PATL1: variants seen among roughly 807,000 people sequenced by gnomAD.
The protein encoded by PATL1 is protein PAT1 homolog 1.
In PATL1, 32 loss-of-function variants were observed where a neutral mutation model predicts 100.6. The ratio of observed to expected loss-of-function variants is 0.32; its 90% CI spans 0.24 to 0.43. The LOEUF is 0.43. Among genes scored for constraint, PATL1 ranks in the 20% least tolerant of loss-of-function variants. The pLI is 1.00. For synonymous variants in PATL1, 332 were observed against 330.0 expected (o/e 1.01, Z -0.07); for missense variants, 747 against 949.9 (o/e 0.79, Z 2.81).
intron 2 of PATL1, among the ~76,000 whole-genome samples, chr11:59,660,984 G>A (rs1046306844): frequency 6.6e-6 from 1 of 152,146 alleles, no homozygotes; most frequent in African/African-American, 2.4e-5. Flanking sequence ...AGCTGCTCTG[G>A]AGCTAGACCT....
In PATL1 at chr11:59,641,475, G is replaced by A. The variant is rs531287332; in HGVS notation, c.2049+1405C>T. On this transcript the variant is annotated intron_variant, in intron 16 of 18. Coordinates refer to ENST00000300146, the MANE Select transcript of PATL1 (RefSeq NM_152716.3). ...TTCCACAAAATTTCCCTTCATGGCC[G>A]GTTGCAGTAGCTCACACCTGTAATC... 9.9e-5 allele frequency among the ~76,000 whole-genome samples: 15 copies of A among 152,136 alleles called. 1 individual carries two copies. The East Asian group carries it at 2.7e-3, about 28-fold the overall frequency.
At chr11:59,654,328 T>G in intron 8 of PATL1, among the ~76,000 whole-genome samples, 1 of 151,732 alleles carries the variant, frequency 6.6e-6, no homozygotes, top group East Asian at 1.9e-4. Flanking sequence ...AATACAAAAA[T>G]TAGCTGGGCA....
chr11:59,645,583 G>A (rs1045167168), intron 15 of PATL1, among the ~76,000 whole-genome samples: 5 of 151,904 alleles, frequency 3.3e-5, no homozygotes, highest in African/African-American at 2.4e-5. Flanking sequence ...TAATGGAAAG[G>A]TAGGATAAAT....
chr11:59,650,831 A>G lies in PATL1; in HGVS notation c.1525-18T>C, dbSNP rs1055097509. 34 of 1,510,112 alleles carry G rather than the reference A, an allele frequency of 2.3e-5. No homozygotes were observed. The highest frequency in any genetic ancestry group is 9.7e-5 in the African/African-American group (7 of 72,130). 93.5% of individuals were successfully genotyped at this position (1,510,112 alleles called of 1,614,324 possible). ...TTTGTCTCCTAAAAAAGAGAAGACTATTCAATGCAAATTCTTTATCTCTGT... is the reference window on the plus strand; with the variant it reads ...TTTGTCTCCTAAAAAAGAGAAGACTGTTCAATGCAAATTCTTTATCTCTGT... On this transcript the variant is annotated intron_variant, in intron 12 of 18. Transcript: ENST00000300146.
intron 11 of PATL1, among the ~76,000 whole-genome samples, chr11:59,651,937 C>T (rs1261045887): frequency 6.6e-6 from 1 of 151,556 alleles, no homozygotes; most frequent in Non-Finnish European, 1.5e-5. Flanking sequence ...TGGTGGCACA[C>T]GCCTGTAATC....
intron 1 of PATL1, among the ~76,000 whole-genome samples, chr11:59,668,352 A>C (rs2134767187): frequency 6.6e-6 from 1 of 152,140 alleles, no homozygotes; most frequent in South Asian, 2.1e-4. Flanking sequence ...CCCCCCTCCC[A>C]ACTCGGAGCC....
chr11:59,643,000 A>C lies in PATL1; in HGVS notation c.1929T>G (p.Leu643=), dbSNP rs576266826. 1.9e-6 allele frequency: 3 copies of C among 1,613,976 alleles called. No homozygotes were observed. In the Admixed American group the frequency reaches 5.0e-5, roughly 27 times the overall value. ...LPCLLSPFSL[L]LYHLPSVSIT... is the part of the protein sequence containing the mutation. ...TACTCACTGATGGAAGATGATAGAG[A>C]AGGAGAGAGAAGGGACTCAGTAAGC... The change falls in exon 16 of 19, where the codon CTT becomes CTG. Residue 643 remains leucine, a synonymous_variant. Coordinates refer to ENST00000300146, the MANE Select transcript of PATL1 (RefSeq NM_152716.3).
chr11:59,658,841 T>G (rs1374574149), intron 4 of PATL1, 25 bp downstream of exon 4: 17 of 1,526,496 alleles, frequency 1.1e-5, no homozygotes, highest in Non-Finnish European at 1.5e-5. Flanking sequence ...TTATAAATTT[T>G]ATGTAAAGAG....
chr11:59,667,858 G>C (rs1861712443), intron 1 of PATL1, among the ~76,000 whole-genome samples: 1 of 152,176 alleles, frequency 6.6e-6, no homozygotes, highest in African/African-American at 2.4e-5. Flanking sequence ...TTTGGTCTTA[G>C]ATCATTCCTA....
At position 59,657,650 on chromosome 11, in the gene PATL1, G is replaced by C; in HGVS notation, c.501C>G (p.Asp167Glu). 6.2e-7 allele frequency: 1 copy of C among 1,613,656 alleles called. No homozygotes were observed. Among genetic ancestry groups the C allele is most frequent in the Non-Finnish European group, 8.5e-7 (1 of 1,179,790 alleles). The change falls in exon 5 of 19, where the codon GAC becomes GAG. Residue 167 changes from aspartate to glutamate, a missense_variant. Physicochemically the swap from Asp to Glu is conservative, Grantham distance 45. Transcript: ENST00000300146. ...GCCTTGGTAATGCTCGTTCAGAAAGGTCCCGATCATCTTCTGGACCCTGGG... is the reference window on the plus strand; with the variant it reads ...GCCTTGGTAATGCTCGTTCAGAAAGCTCCCGATCATCTTCTGGACCCTGGG... The part of the protein sequence containing the change: ...RPPQGPEDDR[D>E]LSERALPRRS...
intron 18 of PATL1, among the ~76,000 whole-genome samples, 200 bp from the exon 19 acceptor site, chr11:59,638,611 T>C (rs570220592): frequency 7.8e-4 from 118 of 152,246 alleles, no homozygotes; most frequent in South Asian, 1.0e-3. Context: ...GATACACAAA[T>C]AGTTAATAAA....
chr11:59,658,898 G>A lies in PATL1; in HGVS notation c.394C>T (p.Leu132=). 3 of 1,550,068 alleles carry A rather than the reference G, an allele frequency of 1.9e-6. No homozygotes were observed. Among genetic ancestry groups the A allele is most frequent in the Non-Finnish European group, 2.6e-6 (3 of 1,146,700 alleles). The change falls in exon 4 of 19, where the codon CTG becomes TTG. Residue 132 remains leucine, a synonymous_variant. Transcript: ENST00000300146. ...NSSIWDGSEV[L]RRIRGPLLAQ... is the part of the protein sequence containing the mutation. The stretch of plus-strand genomic sequence containing the variant: ...AGCAGTGGTCCTCGGATTCGCCTCA[G>A]AACTTCAGATCCATCCCAGATACTG...
chr11:59,668,763 T>C, intron 1 of PATL1, 118 bp downstream of exon 1: 1 of 553,598 alleles, frequency 1.8e-6, no homozygotes, highest in Non-Finnish European at 3.3e-6. Context: ...AGCTAAGTCC[T>C]GCGACTCCCC....
At position 59,642,990 on chromosome 11, in the gene PATL1, G is replaced by A; in HGVS notation, c.1939C>T (p.Leu647Phe). The A allele has an allele frequency of 6.2e-7, 1 of 1,613,990 alleles. No homozygotes were observed. Among genetic ancestry groups the A allele is most frequent in the Non-Finnish European group, 8.5e-7 (1 of 1,179,854 alleles). ...LSPFSLLLYHLPSVSITSLLR... is the reference protein window; with the variant it reads ...LSPFSLLLYHFPSVSITSLLR... ...AGGCTGGTGATACTCACTGATGGAA[G>A]ATGATAGAGAAGGAGAGAGAAGGGA... The change falls in exon 16 of 19, where the codon CTT (leucine) becomes TTT (phenylalanine). Residue 647 changes from leucine (L) to phenylalanine (F), a missense_variant. Leu to Phe is a conservative substitution (Grantham distance 22). This residue lies in a region of PATL1 where 434 missense variants were observed against 596.1 expected (regional missense o/e 0.73). Transcript: ENST00000300146.
chr11:59,668,899 TGGGGAGG>T lies in PATL1; in HGVS notation c.-11_-5del. On this transcript the variant is annotated 5_prime_UTR_variant, in exon 1 of 19. Coordinates refer to ENST00000300146, the MANE Select transcript of PATL1 (RefSeq NM_152716.3). ...AGCTCACCTCGTAGCGGAACATTCT[TGGGGAGG>T]GGGGCAGGGAGCGGGGAGGGGAGAG... is the stretch of plus-strand genomic sequence containing the variant. The T allele has an allele frequency of 3.0e-6, 2 of 667,744 alleles. No individual in the cohort carries two copies. The highest frequency in any genetic ancestry group is 4.2e-6 in the Non-Finnish European group (2 of 478,250). The allele number at this position is 667,744 out of a possible 1,614,324, so 41.4% of individuals were successfully genotyped here.
intron 15 of PATL1, among the ~76,000 whole-genome samples, chr11:59,645,316 G>C (rs1401167098): frequency 0.055 from 23 of 420 alleles, no homozygotes; most frequent in African/African-American, 0.075. Context: ...AGACGGGGTG[G>C]TGGCAGGGCA....
Position 59,652,498 on chromosome 11 carries a change from AG to A in PATL1, c.1391del (p.Pro464LeufsTer27). 6.2e-7 allele frequency: 1 copy of A among 1,613,910 alleles called. No homozygotes were observed. The highest frequency in any genetic ancestry group is 8.5e-7 in the Non-Finnish European group (1 of 1,179,850). ...AGGCGTGCTCCAGTTTGGCCACCTGAGGGGTGATAAGCTTGGTGCGCTCCTT... is the reference window on the plus strand; with the variant it reads ...AGGCGTGCTCCAGTTTGGCCACCTGAGGGTGATAAGCTTGGTGCGCTCCTT... ...PKKERTKLIT[P>X]QVAKLEHAYK... On this transcript the variant is annotated frameshift_variant, in exon 11 of 19. Coordinates refer to ENST00000300146, the MANE Select transcript of PATL1 (RefSeq NM_152716.3). LOFTEE classifies it high-confidence loss of function.
rs572754059 is a variant in PATL1, at chr11:59,668,253, T to C, written c.15+628A>G. ...CACAGTGAGTTGGTGACAGGGTCAGTACTGTCTGCTGCTATTGCTACATTC... is the reference window on the plus strand; with the variant it reads ...CACAGTGAGTTGGTGACAGGGTCAGCACTGTCTGCTGCTATTGCTACATTC... On this transcript the variant is annotated intron_variant, in intron 1 of 18. Coordinates refer to ENST00000300146, the MANE Select transcript of PATL1 (RefSeq NM_152716.3). Among the ~76,000 whole-genome samples the C allele has an allele frequency of 2.5e-3, 377 of 152,318 alleles. 1 individual carries two copies. Among genetic ancestry groups the C allele is most frequent in the Admixed American group, 3.7e-3 (56 of 15,304 alleles).
At chr11:59,652,383 T>C in intron 11 of PATL1, 81 bp downstream of exon 11, 2 of 1,508,638 alleles carry the variant, frequency 1.3e-6, no homozygotes, top group East Asian at 2.3e-5. Flanking sequence ...TCCTTCCACA[T>C]ATACACTTGT....
Sources: gnomAD v4.1 joint callset for allele counts (sites outside exome capture counted in the v4.1 genomes callset) on GRCh38, gnomAD v4.1.1 for gene constraint, gnomAD v4.1.1 regional missense constraint, MANE v1.5 for transcripts, NCBI Gene and HGNC (gene_info 2026-07-23, HGNC 2026-07-21) for gene names.